The following STRIP1 variants were observed in gnomAD, a reference collection of about 807,000 sequenced individuals.
STRIP1 encodes striatin-interacting protein 1.
In STRIP1, 63 loss-of-function variants were observed where a neutral mutation model predicts 106.2. The ratio of observed to expected loss-of-function variants is 0.59; its 90% confidence interval spans 0.48 to 0.73. The LOEUF is 0.73. STRIP1 is among the 30% of genes least tolerant of loss of function. The pLI is 0.00. For synonymous variants in STRIP1, 390 were observed against 413.0 expected (o/e 0.94, Z 0.67); for missense variants, 857 against 1,074.8 (o/e 0.80, Z 2.83).
chr1:110,040,821 A>G, intron 6 of STRIP1, 118 bp downstream of exon 6: 1 of 803,174 alleles, frequency 1.2e-6, no homozygotes, highest in East Asian at 2.9e-5. Context: ...CATCATCTGC[A>G]TGTGTGATGG....
chr1:110,040,585 ACTTATCTTC>A, intron 5 of STRIP1, 41 bp from the exon 6 acceptor site: 1 of 1,550,814 alleles, frequency 6.4e-7, no homozygotes, highest in Non-Finnish European at 8.8e-7. Context: ...CAGGGACATC[ACTTATCTTC>A]CTTCTTGGAG....
Position 110,050,948 on chromosome 1 carries a change from CCCTGCAGGAAG to C in STRIP1, c.1957-6_1961del. 6.5e-7 allele frequency: 1 copy of C among 1,528,788 alleles called. No homozygotes were observed. The highest frequency in any genetic ancestry group is 9.1e-7 in the Non-Finnish European group (1 of 1,102,196). The allele number at this position is 1,528,788 out of a possible 1,614,324, so 94.7% of individuals were successfully genotyped here. On this transcript the variant is annotated splice_acceptor_variant and splice_polypyrimidine_tract_variant and coding_sequence_variant and intron_variant, in exon 19 of 21. Transcript: ENST00000369795. LOFTEE classifies it high-confidence loss of function. ...TGAGGGCTGATTGTTCCTGGGTTTA[CCCTGCAGGAAG>C]CAGGTGACAGTAACCAATTTTGCTG... is the stretch of plus-strand genomic sequence containing the variant.
Position 110,041,843 on chromosome 1 carries a change from G to A in STRIP1, c.867G>A (p.Leu289=), listed in dbSNP as rs771251190. 1 of 1,614,166 alleles carries A rather than the reference G, an allele frequency of 6.2e-7. No homozygotes were observed. Among genetic ancestry groups the A allele is most frequent in the Non-Finnish European group, 8.5e-7 (1 of 1,180,020 alleles). The change falls in exon 8 of 21, where the codon CTG becomes CTA. Residue 289 remains leucine (L), a synonymous_variant. Transcript: ENST00000369795. ...TTCCCATGAAGAAAGTTCTCTTGCT[G>A]CTCTGGAAGACAGTATTGGTGAGCA... The part of the protein sequence containing the change: ...PHFPMKKVLL[L]LWKTVLCTLG...
chr1:110,053,907 C>T lies in STRIP1; in HGVS notation c.2509C>T (p.Gln837Ter), dbSNP rs1322578047. Residue 837 changes from glutamine to a stop codon, truncating the protein, a stop_gained, in exon 21 of 21, where the codon CAG becomes TAG. Transcript: ENST00000369795. LOFTEE classifies it high-confidence loss of function. ...SKPISWEELL[Q>*] ...GCCCATTTCCTGGGAAGAGCTGCTG[C>T]AGTGAGGCTGTTGGTTAGGGGACTG... is the stretch of plus-strand genomic sequence containing the variant. The T allele has an allele frequency of 1.2e-6, 2 of 1,613,918 alleles. No homozygotes were observed. The highest frequency in any genetic ancestry group is 1.7e-6 in the Non-Finnish European group (2 of 1,179,980).
chr1:110,043,586 C>T, intron 9 of STRIP1, 53 bp from the exon 10 acceptor site: 1 of 1,509,928 alleles, frequency 6.6e-7, no homozygotes, highest in African/African-American at 1.4e-5. Context: ...GCTGCACTTC[C>T]CTGGTCTGCG....
At chr1:110,034,913 A>G in intron 1 of STRIP1, 96 bp downstream of exon 1, 1 of 1,224,128 alleles carries the variant, frequency 8.2e-7, no homozygotes, top group Non-Finnish European at 1.1e-6. Flanking sequence ...GGCTTCCCGG[A>G]GGGCTCGGTA....
upstream of STRIP1, among the ~76,000 whole-genome samples, chr1:110,031,899 ATTTT>A (rs201513805): frequency 7.6e-6 from 1 of 132,422 alleles, no homozygotes; most frequent in African/African-American, 2.8e-5. Context: ...TTTTAATTTG[ATTTT>A]TTTTTTTTTT....
At chr1:110,038,046 T>G in intron 2 of STRIP1, 86 bp downstream of exon 2, 3 of 581,594 alleles carry the variant, frequency 5.2e-6, no homozygotes, top group Non-Finnish European at 9.1e-6. Flanking sequence ...CATTTAGGGC[T>G]TCATTGCTTT....
intron 5 of STRIP1, 50 bp downstream of exon 5, chr1:110,039,565 G>A: frequency 6.4e-7 from 1 of 1,560,364 alleles, no homozygotes; most frequent in Non-Finnish European, 8.7e-7. Flanking sequence ...GGGATGGGAA[G>A]GGGGACAGAG....
chr1:110,054,500 C>G lies in STRIP1; in HGVS notation c.*588C>G, dbSNP rs1395567751. On this transcript the variant is annotated 3_prime_UTR_variant, in exon 21 of 21. Transcript: ENST00000369795. ...AGGGACAAGGTAGGAAGAGAAGCTT[C>G]CCTTAACCAGAGGGGCCATTTTTCC... is the stretch of plus-strand genomic sequence containing the variant. 1.3e-5 allele frequency: 2 copies of G among 153,090 alleles called. No homozygotes were observed. Among genetic ancestry groups the G allele is most frequent in the Admixed American group, 6.5e-5 (1 of 15,346 alleles). The allele number at this position is 153,090 out of a possible 1,614,324, so 9.5% of individuals were successfully genotyped here.
intron 20 of STRIP1, among the ~76,000 whole-genome samples, chr1:110,053,001 TCTC>T (rs1352330951): frequency 1.3e-5 from 2 of 152,156 alleles, no homozygotes; most frequent in African/African-American, 2.4e-5. Context: ...CCTTTTTCAT[TCTC>T]CTCCTCTGTA....
At chr1:110,038,088 A>G (rs202141571) in intron 2 of STRIP1, 128 bp downstream of exon 2, 8,114 of 154,648 alleles carry the variant, frequency 0.052, 743 homozygotes, top group South Asian at 0.13. Flanking sequence ...ATATATATAT[A>G]TATATATATA....
intron 3 of STRIP1, 145 bp downstream of exon 3, chr1:110,038,902 T>G: frequency 1.3e-6 from 1 of 773,856 alleles, no homozygotes; most frequent in East Asian, 2.6e-5. Flanking sequence ...CAGATACATG[T>G]AGAGTGGGCT....
intron 2 of STRIP1, 153 bp downstream of exon 2, chr1:110,038,113 T>C (rs1570913835): frequency 6.5e-6 from 1 of 152,682 alleles, no homozygotes; most frequent in Non-Finnish European, 1.3e-5. Context: ...TATATATATA[T>C]GTATAAAACA....
At chr1:110,037,063 G>A (rs1652494296) in intron 1 of STRIP1, among the ~76,000 whole-genome samples, 1 of 152,106 alleles carries the variant, frequency 6.6e-6, no homozygotes, top group African/African-American at 2.4e-5. Context: ...TCAAAGTCCT[G>A]ACCTCAAATG....
intron 2 of STRIP1, among the ~76,000 whole-genome samples, chr1:110,038,427 G>T (rs779100219): frequency 4.6e-5 from 7 of 152,194 alleles, no homozygotes; most frequent in Non-Finnish European, 7.3e-5. Flanking sequence ...GTGGCCGTCA[G>T]CCCTGGCATG....
rs1441216078 is a variant in STRIP1 at position 110,044,864 on chromosome 1, T to C, written c.1311T>C (p.Leu437=). The change falls in exon 11 of 21, where the codon CTT becomes CTC. Residue 437 remains leucine (L), a synonymous_variant. Coordinates refer to ENST00000369795, the MANE Select transcript of STRIP1 (RefSeq NM_033088.4). ...GAGAGAAAGACATTGAGATGTTCCT[T>C]GAGTCCAGCCGCAGCAAATTTATAG... The part of the protein sequence containing the change: ...KVREKDIEMF[L]ESSRSKFIGY... The C allele has an allele frequency of 2.5e-6, 4 of 1,614,232 alleles. No individual in the cohort carries two copies. Among genetic ancestry groups the C allele is most frequent in the Middle Eastern group, 1.7e-4 (1 of 6,060 alleles).
In STRIP1 at chr1:110,051,695, T is replaced by G; in HGVS notation, c.2074T>G (p.Phe692Val). 1.2e-6 allele frequency: 2 copies of G among 1,605,976 alleles called. No homozygotes were observed. The highest frequency in any genetic ancestry group is 1.1e-5 in the South Asian group (1 of 89,904). Reference sequence around the variant, plus strand: ...TTTCCCTTCCCAGATGCTGGTGGTGTTCAAGTCAGCCCCCATCTTGAAGCG... The same window carrying G: ...TTTCCCTTCCCAGATGCTGGTGGTGGTCAAGTCAGCCCCCATCTTGAAGCG... ...KHSRTMMLVV[F>V]KSAPILKRAL... is the part of the protein sequence containing the mutation. Residue 692 changes from phenylalanine (F) to valine (V), a missense_variant, in exon 20 of 21, where the codon TTC (phenylalanine) becomes GTC (valine). Coordinates refer to ENST00000369795, the MANE Select transcript of STRIP1 (RefSeq NM_033088.4).
intron 3 of STRIP1, 169 bp from the exon 4 acceptor site, chr1:110,039,003 T>C: frequency 1.2e-6 from 1 of 846,042 alleles, no homozygotes; most frequent in Non-Finnish European, 1.8e-6. Context: ...ATACCAGCGT[T>C]TCAGTTTGGA....
Sources: gnomAD v4.1 joint callset for allele counts (sites outside exome capture counted in the v4.1 genomes callset) on GRCh38, gnomAD v4.1.1 for gene constraint, MANE v1.5 for transcripts, NCBI Gene and HGNC (gene_info 2026-07-23, HGNC 2026-07-21) for gene names.